The following HES5 variants were observed in gnomAD, a reference collection of about 807,000 sequenced individuals.
HES5 encodes the protein transcription factor HES-5.
A neutral mutation model predicts 9.6 loss-of-function variants in HES5; 12 were observed. That is an observed-to-expected ratio of 1.25 (90% CI 0.80 to 2.03). The LOEUF (loss-of-function observed/expected upper bound fraction) is 2.03. Ranked by LOEUF, HES5 falls within the 30% of genes most tolerant of loss-of-function variation. The pLI is 0.00. For synonymous variants in HES5, 131 were observed against 102.4 expected, an observed-to-expected ratio of 1.28 and a Z score of -1.69; for missense variants, 255 against 218.6, an observed-to-expected ratio of 1.17 and a Z score of -1.05.
Position 2,529,770 on chromosome 1 carries a change from G to T in HES5, c.221-21C>A. On this transcript the variant is annotated intron_variant, in intron 2 of 2. Coordinates refer to ENST00000378453, the MANE Select transcript of HES5 (RefSeq NM_001010926.4). This position sits in a 1 kb window ranked among gnomAD's most constrained non-coding sequence, Gnocchi z 4.5. ...GAAGGCTGCGGGGAGACGCGGCGGC[G>T]GTGAGCGGGCGGCGGGGCGCGGGGG... 8.0e-7 allele frequency: 1 copy of T among 1,246,598 alleles called. No individual in the cohort carries two copies. Among genetic ancestry groups the T allele is most frequent in the Non-Finnish European group, 1.0e-6 (1 of 990,204 alleles). 77.2% of individuals were successfully genotyped at this position (1,246,598 alleles called of 1,614,324 possible). A position where few individuals can be genotyped will look rare whatever the true frequency, so the allele number is the denominator to read the frequency against.
chr1:2,529,274 A>G lies in HES5; in HGVS notation c.*195T>C, dbSNP rs1052655418. The G allele has an allele frequency of 8.6e-6, 3 of 348,472 alleles. No homozygotes were observed. The highest frequency in any genetic ancestry group is 6.3e-5 in the Admixed American group (1 of 15,784). 21.6% of individuals were successfully genotyped at this position (348,472 alleles called of 1,614,324 possible). A position where few individuals can be genotyped will look rare whatever the true frequency, so the allele number is the denominator to read the frequency against. On this transcript the variant is annotated 3_prime_UTR_variant, in exon 3 of 3. Transcript: ENST00000378453. This position sits in a 1 kb window ranked among gnomAD's most constrained non-coding sequence, Gnocchi z 4.5. Reference sequence around the variant, plus strand: ...GCAGAAGATGGGCCCTGATTGTCCTAAAACGGCAGGGACTCTGCACACACA... The same window carrying G: ...GCAGAAGATGGGCCCTGATTGTCCTGAAACGGCAGGGACTCTGCACACACA...
Position 2,529,516 on chromosome 1 carries a change from C to CGGCGGCGGT in HES5, c.445_453dup (p.Thr149_Ala151dup). The CGGCGGCGGT allele has an allele frequency of 2.8e-6, 3 of 1,061,108 alleles. No homozygotes were observed. Among genetic ancestry groups the CGGCGGCGGT allele is most frequent in the Non-Finnish European group, 3.4e-6 (3 of 879,980 alleles). The allele number at this position is 1,061,108 out of a possible 1,614,324, so 65.7% of individuals were successfully genotyped here. A position where few individuals can be genotyped will look rare whatever the true frequency, so the allele number is the denominator to read the frequency against. On this transcript the variant is annotated inframe_insertion, in exon 3 of 3. Transcript: ENST00000378453. The surrounding 1 kb of genome is among the most constrained non-coding windows in gnomAD (Gnocchi z 4.5). ...CAGGCGGGCTGGTGCGCGGCGGCGG[C>CGGCGGCGGT]GGCGGCGGTGGCCTTGGCGGAGAGC... is the stretch of plus-strand genomic sequence containing the variant.
rs1230787389 is a variant in HES5 at position 2,529,506 on chromosome 1, G to C, written c.464C>G (p.Ala155Gly). 1.0e-6 allele frequency: 1 copy of C among 994,480 alleles called. No individual in the cohort carries two copies. Among genetic ancestry groups the C allele is most frequent in the Non-Finnish European group, 1.2e-6 (1 of 828,994 alleles). 61.6% of individuals were successfully genotyped at this position (994,480 alleles called of 1,614,324 possible). A position where few individuals can be genotyped will look rare whatever the true frequency, so the allele number is the denominator to read the frequency against. ...CCAGAGGCCGCAGGCGGGCTGGTGC[G>C]CGGCGGCGGCGGCGGCGGTGGCCTT... ...SAKATAAAAA[A>G]HQPACGLWRP... The change falls in exon 3 of 3, where the codon GCG (alanine) becomes GGG (glycine). Residue 155 changes from alanine (A) to glycine (G), a missense_variant. Physicochemically the swap from Ala to Gly is moderately conservative, Grantham distance 60. Transcript: ENST00000378453. This position sits in a 1 kb window ranked among gnomAD's most constrained non-coding sequence, Gnocchi z 4.5.
rs141600690 is a variant in HES5 at position 2,529,026 on chromosome 1, C to T, written c.*443G>A. On this transcript the variant is annotated 3_prime_UTR_variant, in exon 3 of 3. Transcript: ENST00000378453. This position sits in a 1 kb window ranked among gnomAD's most constrained non-coding sequence, Gnocchi z 4.5. ...CACTGTTTCCTATGAGGATACAGCT[C>T]GAGTTCGGCCTTCACAAAAGGCAAA... The T allele has an allele frequency of 0.011, 1,730 of 152,648 alleles. 15 individuals are homozygous for T. Among genetic ancestry groups the T allele is most frequent in the Non-Finnish European group, 0.017 (1,158 of 68,034 alleles). 9.5% of individuals were successfully genotyped at this position (152,648 alleles called of 1,614,324 possible). A position where few individuals can be genotyped will look rare whatever the true frequency, so the allele number is the denominator to read the frequency against.
In HES5 at chr1:2,529,705, T is replaced by C; in HGVS notation, c.265A>G (p.Ser89Gly). The change falls in exon 3 of 3, where the codon AGC (serine) becomes GGC (glycine). Residue 89 changes from serine to glycine, a missense_variant. Transcript: ENST00000378453. This position sits in a 1 kb window ranked among gnomAD's most constrained non-coding sequence, Gnocchi z 4.5. ...TGCAGGCACCACGAGTAGCCTTCGCTGTAGTCCTGGTGCAGGCTCTTGGGG... is the reference window on the plus strand; with the variant it reads ...TGCAGGCACCACGAGTAGCCTTCGCCGTAGTCCTGGTGCAGGCTCTTGGGG... Reference protein sequence around the residue: ...AGPKSLHQDYSEGYSWCLQEA... With the variant: ...AGPKSLHQDYGEGYSWCLQEA... The C allele has an allele frequency of 1.5e-6, 2 of 1,292,076 alleles. No individual in the cohort carries two copies. Among genetic ancestry groups the C allele is most frequent in the African/African-American group, 1.6e-5 (1 of 63,812 alleles). 80.0% of individuals were successfully genotyped at this position (1,292,076 alleles called of 1,614,324 possible). A position where few individuals can be genotyped will look rare whatever the true frequency, so the allele number is the denominator to read the frequency against.
In HES5 at chr1:2,529,830, G is replaced by A. The variant is rs751972180; in HGVS notation, c.220+16C>T. 6.3e-6 allele frequency: 9 copies of A among 1,425,216 alleles called. No homozygotes were observed. In the South Asian group the frequency reaches 7.9e-5, roughly 12 times the overall value. The allele number at this position is 1,425,216 out of a possible 1,614,324, so 88.3% of individuals were successfully genotyped here. Reference sequence around the variant, plus strand: ...GCGGTGGGAACTCGGGGCGCGGGGGGCCCGGGCGCGCTCACCTTTGCTGTG... The same window carrying A: ...GCGGTGGGAACTCGGGGCGCGGGGGACCCGGGCGCGCTCACCTTTGCTGTG... On this transcript the variant is annotated intron_variant, in intron 2 of 2. Coordinates refer to ENST00000378453, the MANE Select transcript of HES5 (RefSeq NM_001010926.4). The surrounding 1 kb of genome is among the most constrained non-coding windows in gnomAD (Gnocchi z 4.5).
rs761837883 is a variant in HES5, at chr1:2,529,766, C to T, written c.221-17G>A. 1,085 of 1,237,130 alleles carry T rather than the reference C, an allele frequency of 8.8e-4. 4 individuals are homozygous for T. The highest frequency in any genetic ancestry group is 9.7e-4 in the Admixed American group (22 of 22,662). 76.6% of individuals were successfully genotyped at this position (1,237,130 alleles called of 1,614,324 possible). On this transcript the variant is annotated splice_polypyrimidine_tract_variant and intron_variant, in intron 2 of 2. Transcript: ENST00000378453. The surrounding 1 kb of genome is among the most constrained non-coding windows in gnomAD (Gnocchi z 4.5). ...CGACGAAGGCTGCGGGGAGACGCGG[C>T]GGCGGTGAGCGGGCGGCGGGGCGCG...
rs920469175 is a variant in HES5, at chr1:2,529,443, G to A, written c.*26C>T. 9.4e-7 allele frequency: 1 copy of A among 1,067,086 alleles called. No homozygotes were observed. The highest frequency in any genetic ancestry group is 1.1e-6 in the Non-Finnish European group (1 of 882,976). The allele number at this position is 1,067,086 out of a possible 1,614,324, so 66.1% of individuals were successfully genotyped here. On this transcript the variant is annotated 3_prime_UTR_variant, in exon 3 of 3. Transcript: ENST00000378453. The surrounding 1 kb of genome is among the most constrained non-coding windows in gnomAD (Gnocchi z 4.5). ...AGCAGGCTCGCCCTCTGGTCGTCGG[G>A]CCGCGCGCCCGCAGGTCCCGCCGGG...
At position 2,530,113 on chromosome 1, in the gene HES5, G is replaced by T. The variant is rs931460235; in HGVS notation, c.52C>A (p.Arg18=). The T allele has an allele frequency of 3.8e-6, 6 of 1,573,446 alleles. No homozygotes were observed. The highest frequency in any genetic ancestry group is 5.2e-6 in the Non-Finnish European group (6 of 1,160,138). ...VELLSPKEKN[R]LRKPVVEKMR... ...CGCCGGGCGAGTCTGGTACTTACTC[G>T]GTTTTTCTCTTTGGGGCTGAGCAGC... Residue 18 remains arginine (R), a splice_region_variant and synonymous_variant, in exon 1 of 3, where the codon CGA becomes AGA. Transcript: ENST00000378453.
Position 2,529,830 on chromosome 1 carries a change from G to C in HES5, c.220+16C>G. 1 of 1,425,332 alleles carries C rather than the reference G, an allele frequency of 7.0e-7. No individual in the cohort carries two copies. Among genetic ancestry groups the C allele is most frequent in the Non-Finnish European group, 9.3e-7 (1 of 1,073,942 alleles). The allele number at this position is 1,425,332 out of a possible 1,614,324, so 88.3% of individuals were successfully genotyped here. A position where few individuals can be genotyped will look rare whatever the true frequency, so the allele number is the denominator to read the frequency against. On this transcript the variant is annotated intron_variant, in intron 2 of 2. Transcript: ENST00000378453. The surrounding 1 kb of genome is among the most constrained non-coding windows in gnomAD (Gnocchi z 4.5). ...GCGGTGGGAACTCGGGGCGCGGGGG[G>C]CCCGGGCGCGCTCACCTTTGCTGTG...
rs1643981327 is a variant in HES5, at chr1:2,529,780, C to T, written c.221-31G>A. On this transcript the variant is annotated intron_variant, in intron 2 of 2. Transcript: ENST00000378453. The surrounding 1 kb of genome is among the most constrained non-coding windows in gnomAD (Gnocchi z 4.5). ...GGGAGACGCGGCGGCGGTGAGCGGGCGGCGGGGCGCGGGGGAGCCGGGGCG... is the reference window on the plus strand; with the variant it reads ...GGGAGACGCGGCGGCGGTGAGCGGGTGGCGGGGCGCGGGGGAGCCGGGGCG... 8.0e-7 allele frequency: 1 copy of T among 1,245,590 alleles called. No individual in the cohort carries two copies. The highest frequency in any genetic ancestry group is 1.0e-6 in the Non-Finnish European group (1 of 990,004). The allele number at this position is 1,245,590 out of a possible 1,614,324, so 77.2% of individuals were successfully genotyped here. A position where few individuals can be genotyped will look rare whatever the true frequency, so the allele number is the denominator to read the frequency against.
chr1:2,529,900 G>A lies in HES5; in HGVS notation c.166C>T (p.Leu56=), dbSNP rs770012439. 4 of 1,605,240 alleles carry A rather than the reference G, an allele frequency of 2.5e-6. No individual in the cohort carries two copies. Among genetic ancestry groups the A allele is most frequent in the African/African-American group, 1.3e-5 (1 of 74,668 alleles). The change falls in exon 2 of 3, where the codon CTG becomes TTG. Residue 56 remains leucine, a synonymous_variant. Transcript: ENST00000378453. This position sits in a 1 kb window ranked among gnomAD's most constrained non-coding sequence, Gnocchi z 4.5. ...ATCTCCAGGATGTCGGCCTTCTCCA[G>A]CTTGGAGTTGGGCTGGTGCCGCGCG... ...EFARHQPNSK[L]EKADILEMAV...
At chr1:2,530,089 G>A (rs748276539) in intron 1 of HES5, 22 bp downstream of exon 1, 1 of 1,591,638 alleles carries the variant, frequency 6.3e-7, no homozygotes, top group Non-Finnish European at 8.5e-7. Flanking sequence ...GGGACAGCGC[G>A]CCGGGCGAGT....
rs374481404 is a variant in HES5, at chr1:2,530,143, C to T, written c.22G>A (p.Val8Met). 1.9e-6 allele frequency: 3 copies of T among 1,546,872 alleles called. No individual in the cohort carries two copies. Among genetic ancestry groups the T allele is most frequent in the African/African-American group, 1.4e-5 (1 of 72,614 alleles). MAPSTVA[V>M]ELLSPKEKNR... ...TTCTCTTTGGGGCTGAGCAGCTCCA[C>T]GGCCACAGTGCTGGGGGCCATGCCT... Residue 8 changes from valine (V) to methionine (M), a missense_variant, in exon 1 of 3, where the codon GTG becomes ATG. Physicochemically the swap from Val to Met is conservative, Grantham distance 21 (BLOSUM62 1). Coordinates refer to ENST00000378453, the MANE Select transcript of HES5 (RefSeq NM_001010926.4).
Position 2,530,186 on chromosome 1 carries a change from G to T in HES5, c.-22C>A. 6.8e-7 allele frequency: 1 copy of T among 1,476,392 alleles called. No homozygotes were observed. The highest frequency in any genetic ancestry group is 9.0e-7 in the Non-Finnish European group (1 of 1,109,096). The allele number at this position is 1,476,392 out of a possible 1,614,324, so 91.5% of individuals were successfully genotyped here. A position where few individuals can be genotyped will look rare whatever the true frequency, so the allele number is the denominator to read the frequency against. On this transcript the variant is annotated 5_prime_UTR_variant, in exon 1 of 3. Coordinates refer to ENST00000378453, the MANE Select transcript of HES5 (RefSeq NM_001010926.4). ...CCATGCCTGGCGCGGAACAGGCGACGAGGCGACGCGGGGAGGCCGGGCGAG... is the reference window on the plus strand; with the variant it reads ...CCATGCCTGGCGCGGAACAGGCGACTAGGCGACGCGGGGAGGCCGGGCGAG...
In HES5 at chr1:2,529,519, C is replaced by T; in HGVS notation, c.451G>A (p.Ala151Thr). ...PPALSAKATAAAAAAHQPACG... is the reference protein window; with the variant it reads ...PPALSAKATATAAAAHQPACG... ...GCGGGCTGGTGCGCGGCGGCGGCGGCGGCGGTGGCCTTGGCGGAGAGCGCG... is the reference window on the plus strand; with the variant it reads ...GCGGGCTGGTGCGCGGCGGCGGCGGTGGCGGTGGCCTTGGCGGAGAGCGCG... Residue 151 changes from alanine (A) to threonine (T), a missense_variant, in exon 3 of 3, where the codon GCC becomes ACC. Physicochemically the swap from Ala to Thr is moderately conservative, Grantham distance 58. Transcript: ENST00000378453. This position sits in a 1 kb window ranked among gnomAD's most constrained non-coding sequence, Gnocchi z 4.5. 9.4e-7 allele frequency: 1 copy of T among 1,060,592 alleles called. No individual in the cohort carries two copies. The highest frequency in any genetic ancestry group is 1.1e-6 in the Non-Finnish European group (1 of 879,402). The allele number at this position is 1,060,592 out of a possible 1,614,324, so 65.7% of individuals were successfully genotyped here.
chr1:2,529,834 G>C lies in HES5; in HGVS notation c.220+12C>G, dbSNP rs1249700840. 7.0e-7 allele frequency: 1 copy of C among 1,432,240 alleles called. No homozygotes were observed. The allele number at this position is 1,432,240 out of a possible 1,614,324, so 88.7% of individuals were successfully genotyped here. A position where few individuals can be genotyped will look rare whatever the true frequency, so the allele number is the denominator to read the frequency against. On this transcript the variant is annotated intron_variant, in intron 2 of 2. Transcript: ENST00000378453. This position sits in a 1 kb window ranked among gnomAD's most constrained non-coding sequence, Gnocchi z 4.5. ...TGGGAACTCGGGGCGCGGGGGGCCCGGGCGCGCTCACCTTTGCTGTGCTTC... is the reference window on the plus strand; with the variant it reads ...TGGGAACTCGGGGCGCGGGGGGCCCCGGCGCGCTCACCTTTGCTGTGCTTC...
rs1193686785 is a variant in HES5, at chr1:2,529,016, G to A, written c.*453C>T. ...CCGGGGTGATCACTGTTTCCTATGA[G>A]GATACAGCTCGAGTTCGGCCTTCAC... On this transcript the variant is annotated 3_prime_UTR_variant, in exon 3 of 3. Transcript: ENST00000378453. The surrounding 1 kb of genome is among the most constrained non-coding windows in gnomAD (Gnocchi z 4.5). The A allele has an allele frequency of 6.6e-6, 1 of 152,506 alleles. No individual in the cohort carries two copies. The highest frequency in any genetic ancestry group is 1.9e-4 in the East Asian group (1 of 5,280). The allele number at this position is 152,506 out of a possible 1,614,324, so 9.4% of individuals were successfully genotyped here.
At position 2,528,857 on chromosome 1, in the gene HES5, C is replaced by G. The variant is rs1232756384; in HGVS notation, c.*612G>C. 6.6e-6 allele frequency: 1 copy of G among 152,614 alleles called. No individual in the cohort carries two copies. The highest frequency in any genetic ancestry group is 1.5e-5 in the Non-Finnish European group (1 of 68,078). 9.5% of individuals were successfully genotyped at this position (152,614 alleles called of 1,614,324 possible). A position where few individuals can be genotyped will look rare whatever the true frequency, so the allele number is the denominator to read the frequency against. Reference sequence around the variant, plus strand: ...AAAGTCGTGCCCACACGCATCCACCCACACAGAGGAATCCTTTAAGGATCA... The same window carrying G: ...AAAGTCGTGCCCACACGCATCCACCGACACAGAGGAATCCTTTAAGGATCA... On this transcript the variant is annotated 3_prime_UTR_variant, in exon 3 of 3. Coordinates refer to ENST00000378453, the MANE Select transcript of HES5 (RefSeq NM_001010926.4).
Sources: allele counts gnomAD v4.1 joint callset, GRCh38; gene constraint gnomAD v4.1.1; non-coding constraint Gnocchi (gnomAD v3.1); transcripts MANE v1.5; gene names NCBI Gene and HGNC (gene_info 2026-07-23, HGNC 2026-07-21).